Variants in TBCD observed in about 807,000 individuals in gnomAD.
TBCD encodes tubulin folding cofactor D, also known as tubulin-specific chaperone D.
Under a neutral mutation model 169.3 loss-of-function variants are expected in TBCD, and 105 were observed. The ratio of observed to expected loss-of-function variants is 0.62; its 90% CI spans 0.53 to 0.73. The LOEUF is 0.73. Among genes scored for constraint, TBCD ranks in the 30% least tolerant of loss-of-function variants. TBCD has a pLI of 0.00. For missense variants in TBCD, 1,444 were observed against 1,600.1 expected, an observed-to-expected ratio of 0.90 and a Z score of 1.66; for synonymous variants, 700 against 643.9, an observed-to-expected ratio of 1.09 and a Z score of -1.32.
In TBCD at chr17:82,752,227, C is replaced by T. The variant is rs1449546253; in HGVS notation, c.34C>T (p.Pro12Ser). 3 of 1,525,656 alleles carry T rather than the reference C, an allele frequency of 2.0e-6. No individual in the cohort carries two copies. The highest frequency in any genetic ancestry group is 2.6e-6 in the Non-Finnish European group (3 of 1,139,568). 94.5% of individuals were successfully genotyped at this position (1,525,656 alleles called of 1,614,324 possible). The change falls in exon 1 of 39, where the codon CCC (proline) becomes TCC (serine). Residue 12 changes from proline to serine, a missense_variant. Transcript: ENST00000355528. ...GAGCGACGAACCGGCCGCGGGCGGC[C>T]CCGAGGAGGAGGCGGAGGACGAGAC... ...ALSDEPAAGG[P>S]EEEAEDETLA...
Position 82,922,937 on chromosome 17 carries a change from G to A in TBCD, c.2179-715G>A, listed in dbSNP as rs1377909856. On this transcript the variant is annotated intron_variant, in intron 25 of 38. Transcript: ENST00000355528. This position sits in a 1 kb window ranked among gnomAD's most constrained non-coding sequence, Gnocchi z 4.1. The stretch of plus-strand genomic sequence containing the variant: ...GACAGTGGCACTGAGCCCCGCACGC[G>A]GCGGGACTGGTGACTCTCTGCCCGC... Among the ~76,000 whole-genome samples, 12 of 152,236 alleles carry A rather than the reference G, an allele frequency of 7.9e-5. No homozygotes were observed. The highest frequency in any genetic ancestry group is 7.2e-4 in the Admixed American group (11 of 15,290).
rs2059032984 is a variant in TBCD, at chr17:82,890,203, G to A, written c.1563+506G>A. ...TGACATCTGGTCACTGGTCAGCTTC[G>A]CCTGTGAATGGGGGGCCCCAGGTTA... On this transcript the variant is annotated intron_variant, in intron 16 of 38. Transcript: ENST00000355528. This position sits in a 1 kb window ranked among gnomAD's most constrained non-coding sequence, Gnocchi z 5.3. 1.3e-5 allele frequency among the ~76,000 whole-genome samples: 2 copies of A among 152,210 alleles called. No homozygotes were observed. The highest frequency in any genetic ancestry group is 2.4e-5 in the African/African-American group (1 of 41,450).
At chr17:82,815,000 T>A in intron 13 of TBCD, 66 bp downstream of exon 13, 1 of 1,596,550 alleles carries the variant, frequency 6.3e-7, no homozygotes, top group Non-Finnish European at 8.5e-7. Flanking sequence ...GAGAGGCCTG[T>A]TGCTGCCATC....
At chr17:82,810,858 C>G (rs114605853) in intron 12 of TBCD, among the ~76,000 whole-genome samples, 6 of 152,326 alleles carry the variant, frequency 3.9e-5, no homozygotes, top group African/African-American at 1.4e-4. Context: ...CGGAGCCGTT[C>G]ACAAAGCCTT....
chr17:82,830,052 T>C lies in TBCD; in HGVS notation c.1318+15118T>C. On this transcript the variant is annotated intron_variant, in intron 13 of 38. Transcript: ENST00000355528. ...AGCAGCAGCTGCATTTGTAAAAATG[T>C]GAAAGTGCCAGTTCAGAGGTGTTGT... 7 of 1,570,818 alleles carry C rather than the reference T, an allele frequency of 4.5e-6. 1 individual carries two copies. In the South Asian group the frequency reaches 7.9e-5, roughly 18 times the overall value.
chr17:82,912,119 G>C (rs1477241194), intron 23 of TBCD, among the ~76,000 whole-genome samples: 1 of 151,960 alleles, frequency 6.6e-6, no homozygotes, highest in Non-Finnish European at 1.5e-5. Flanking sequence ...AGTGGACATT[G>C]CAGATCCCTC....
chr17:82,801,117 A>T, intron 9 of TBCD, 121 bp downstream of exon 9: 4 of 231,040 alleles, frequency 1.7e-5, no homozygotes, highest in Non-Finnish European at 2.3e-5. Context: ...GTGGGGAGGC[A>T]GTCGCCCTGT....
chr17:82,899,076 C>G (rs1395527033), intron 17 of TBCD, among the ~76,000 whole-genome samples: 2 of 152,290 alleles, frequency 1.3e-5, no homozygotes, highest in African/African-American at 2.4e-5. Context: ...GTGTCAGGTT[C>G]TTTGCTCAGC....
intron 7 of TBCD, 83 bp from the exon 8 acceptor site, chr17:82,797,671 GTGA>G: frequency 1.0e-6 from 1 of 1,001,418 alleles, no homozygotes; most frequent in Non-Finnish European, 1.5e-6. Flanking sequence ...TCTGAAAGAT[GTGA>G]TGAATTGTTT....
chr17:82,863,900 A>G (rs1056768030), intron 13 of TBCD, among the ~76,000 whole-genome samples: 6 of 152,178 alleles, frequency 3.9e-5, no homozygotes, highest in South Asian at 2.1e-4. Flanking sequence ...GGAGCTTTTT[A>G]TAGAGTTGTG....
In TBCD at chr17:82,929,223, C is replaced by G. The variant is rs771721082; in HGVS notation, c.2804C>G (p.Pro935Arg). 2.5e-6 allele frequency: 4 copies of G among 1,613,922 alleles called. No individual in the cohort carries two copies. In the South Asian group the frequency reaches 4.4e-5, roughly 18 times the overall value. ...FLTLLHFDSPPIPHVPHRGEL... is the reference protein window; with the variant it reads ...FLTLLHFDSPRIPHVPHRGEL... ...ACGCTCCTGCACTTTGACAGCCCTCCCATCCCCCACGTGCCCCACCGAGGA... is the reference window on the plus strand; with the variant it reads ...ACGCTCCTGCACTTTGACAGCCCTCGCATCCCCCACGTGCCCCACCGAGGA... Residue 935 changes from proline to arginine, a missense_variant, in exon 31 of 39, where the codon CCC becomes CGC. Transcript: ENST00000355528.
At chr17:82,824,741 A>G (rs748433845) in intron 13 of TBCD, among the ~76,000 whole-genome samples, 2 of 152,160 alleles carry the variant, frequency 1.3e-5, no homozygotes, top group Non-Finnish European at 2.9e-5. Flanking sequence ...TGCTGTGGAC[A>G]TGGATACAAG....
Position 82,756,179 on chromosome 17 carries a change from T to TA in TBCD, c.200dup (p.Tyr67Ter). The change falls in exon 2 of 39, where the codon TAC (tyrosine) becomes TAAC (stop). Residue 67 changes from tyrosine (Y) to a stop codon, truncating the protein, a stop_gained and frameshift_variant. Coordinates refer to ENST00000355528, the MANE Select transcript of TBCD (RefSeq NM_005993.5). LOFTEE classifies it high-confidence loss of function. ...TTTGTTTTTAGTAATAATGGACAAA[T>TA]ACCAGGAGCAGCCTCATCTGTTGGA... ...LERFRVIMDK[Y>*]QEQPHLLDPH... The TA allele has an allele frequency of 6.2e-7, 1 of 1,609,924 alleles. No homozygotes were observed. Among genetic ancestry groups the TA allele is most frequent in the Non-Finnish European group, 8.5e-7 (1 of 1,177,848 alleles).
rs145282246 is a variant in TBCD at position 82,865,650 on chromosome 17, C to T, written c.1319-4574C>T. On this transcript the variant is annotated intron_variant, in intron 13 of 38. Transcript: ENST00000355528. ...ACATCTGCAGAAGTCCAGCACGATGCAGTTTATGCCTGGCAGTGATGTTTG... is the reference window on the plus strand; with the variant it reads ...ACATCTGCAGAAGTCCAGCACGATGTAGTTTATGCCTGGCAGTGATGTTTG... 3.9e-3 allele frequency: 2,285 copies of T among 580,110 alleles called. 59 individuals carry two copies. The African/African-American group carries it at 0.044, about 11-fold the overall frequency. 35.9% of individuals were successfully genotyped at this position (580,110 alleles called of 1,614,324 possible).
intron 16 of TBCD, among the ~76,000 whole-genome samples, chr17:82,892,373 CCT>C (rs1248100359): frequency 6.6e-6 from 1 of 152,148 alleles, no homozygotes; most frequent in African/African-American, 2.4e-5. Flanking sequence ...AGGTTTCTCC[CCT>C]GTTCACGGTT....
At chr17:82,865,619 C>A in intron 13 of TBCD, 1 of 833,802 alleles carries the variant, frequency 1.2e-6, no homozygotes, top group Non-Finnish European at 1.4e-6. Flanking sequence ...GCGGTCTGCA[C>A]CAGCTACATC....
At chr17:82,933,541 G>A (rs1037561485) in intron 34 of TBCD, among the ~76,000 whole-genome samples, 6 of 151,796 alleles carry the variant, frequency 4.0e-5, no homozygotes, top group Non-Finnish European at 7.4e-5. Flanking sequence ...GAGCCACTGC[G>A]TCTGGCCTGG....
Position 82,884,573 on chromosome 17 carries a change from C to T in TBCD, c.1533+371C>T, listed in dbSNP as rs144515412. ...GAATGTGGCGGCGGGACGGGTCACT[C>T]ACCGGGTGGCTTTGAGCCTCGGGAG... On this transcript the variant is annotated intron_variant, in intron 15 of 38. Coordinates refer to ENST00000355528, the MANE Select transcript of TBCD (RefSeq NM_005993.5). This position sits in a 1 kb window ranked among gnomAD's most constrained non-coding sequence, Gnocchi z 4.2. Among the ~76,000 whole-genome samples, 379 of 152,250 alleles carry T rather than the reference C, an allele frequency of 2.5e-3. 1 individual carries two copies. Among genetic ancestry groups the T allele is most frequent in the Non-Finnish European group, 2.9e-3 (195 of 68,014 alleles).
At chr17:82,878,240 C>T (rs2058100068) in intron 14 of TBCD, among the ~76,000 whole-genome samples, 1 of 135,534 alleles carries the variant, frequency 7.4e-6, no homozygotes, top group Non-Finnish European at 1.6e-5. Flanking sequence ...CTTTATCTTT[C>T]TTGATCTTGG....
Sources: gnomAD v4.1 joint callset for allele counts (sites outside exome capture counted in the v4.1 genomes callset) on GRCh38, gnomAD v4.1.1 for gene constraint, Gnocchi (gnomAD v3.1) non-coding constraint, MANE v1.5 for transcripts, NCBI Gene and HGNC (gene_info 2026-07-23, HGNC 2026-07-21) for gene names.